RFX2: variants seen among roughly 807,000 people sequenced by gnomAD.
The protein encoded by RFX2 is regulatory factor X2.
In RFX2, 20 loss-of-function variants were observed where a neutral mutation model predicts 87.8. The observed-to-expected ratio is 0.23, with a 90% CI of 0.16 to 0.33. The LOEUF is 0.33. Among genes scored for constraint, RFX2 ranks in the 10% least tolerant of loss-of-function variants. The pLI is 1.00. For missense variants in RFX2, 767 were observed against 1,012.3 expected (o/e 0.76, Z 3.29); for synonymous variants, 397 against 431.3 (o/e 0.92, Z 0.98).
chr19:6,049,861 G>C (rs972280504), intron 1 of RFX2, among the ~76,000 whole-genome samples: 1 of 152,220 alleles, frequency 6.6e-6, no homozygotes, highest in African/African-American at 2.4e-5. Flanking sequence ...TTTACCATGT[G>C]TTGTCTTATA....
rs1407784723 is a variant in RFX2 at position 5,995,693 on chromosome 19, C to T, written c.2014-50G>A. The T allele has an allele frequency of 2.0e-6, 3 of 1,520,976 alleles. No homozygotes were observed. The East Asian group carries it at 7.4e-5, about 37-fold the overall frequency. The allele number at this position is 1,520,976 out of a possible 1,614,324, so 94.2% of individuals were successfully genotyped here. On this transcript the variant is annotated intron_variant, in intron 16 of 17. Transcript: ENST00000303657. ...GGCGCCTGCAGAGGGGCGGCAGTTG[C>T]TGTTTGGGGGCTCGGGGGATGCCGG...
In RFX2 at chr19:6,012,528, A is replaced by G. The variant is rs2086673229; in HGVS notation, c.899+458T>C. On this transcript the variant is annotated intron_variant, in intron 8 of 17. Transcript: ENST00000303657. This position sits in a 1 kb window ranked among gnomAD's most constrained non-coding sequence, Gnocchi z 4.6. ...ATTATAGGTTTGTCCAAACTGTCGAATGTACAACACCAAGAGTGAGCCCTG... is the reference window on the plus strand; with the variant it reads ...ATTATAGGTTTGTCCAAACTGTCGAGTGTACAACACCAAGAGTGAGCCCTG... Among the ~76,000 whole-genome samples, 1 of 152,078 alleles carries G rather than the reference A, an allele frequency of 6.6e-6. No individual in the cohort carries two copies. The highest frequency in any genetic ancestry group is 2.4e-5 in the African/African-American group (1 of 41,388).
Position 6,044,751 on chromosome 19 carries a change from C to T in RFX2, c.91-469G>A, listed in dbSNP as rs1224194352. 1.3e-5 allele frequency among the ~76,000 whole-genome samples: 2 copies of T among 152,194 alleles called. No individual in the cohort carries two copies. Among genetic ancestry groups the T allele is most frequent in the Non-Finnish European group, 2.9e-5 (2 of 68,032 alleles). On this transcript the variant is annotated intron_variant, in intron 2 of 17. Transcript: ENST00000303657. The surrounding 1 kb of genome is among the most constrained non-coding windows in gnomAD (Gnocchi z 5.3). ...TGGGAGAGCACTCTGTGGCGCCCCTCGCTTCTGCAGTATAACCCGGACTTG... is the reference window on the plus strand; with the variant it reads ...TGGGAGAGCACTCTGTGGCGCCCCTTGCTTCTGCAGTATAACCCGGACTTG...
At chr19:6,089,047 T>C (rs996853056) in intron 1 of RFX2, among the ~76,000 whole-genome samples, 17 of 152,192 alleles carry the variant, frequency 1.1e-4, no homozygotes, top group African/African-American at 3.9e-4. Flanking sequence ...TACTTAAAAA[T>C]GTAGGAAAAA....
In RFX2 at chr19:5,997,092, T is replaced by C; in HGVS notation, c.1981A>G (p.Thr661Ala). 1.2e-6 allele frequency: 2 copies of C among 1,613,040 alleles called. No individual in the cohort carries two copies. The highest frequency in any genetic ancestry group is 1.7e-6 in the Non-Finnish European group (2 of 1,179,944). The change falls in exon 16 of 18, where the codon ACC becomes GCC. Residue 661 changes from threonine to alanine, a missense_variant. Thr to Ala is a moderately conservative substitution (Grantham distance 58, BLOSUM62 0). This residue lies in a region of RFX2 where 621 missense variants were observed against 873.0 expected (regional missense o/e 0.71). Coordinates refer to ENST00000303657, the MANE Select transcript of RFX2 (RefSeq NM_000635.4). The surrounding 1 kb of genome is among the most constrained non-coding windows in gnomAD (Gnocchi z 4.2). The stretch of plus-strand genomic sequence containing the variant: ...ATCACAGCGATCGGCGTCTCTCCGG[T>C]GGCCTCCGCGACGCGGTGCTCCACC... ...YLVEHRVAEA[T>A]GETPIAVMGE...
chr19:5,997,013 C>A lies in RFX2; in HGVS notation c.2013+47G>T. The A allele has an allele frequency of 6.4e-7, 1 of 1,572,116 alleles. No individual in the cohort carries two copies. Among genetic ancestry groups the A allele is most frequent in the Non-Finnish European group, 8.6e-7 (1 of 1,162,426 alleles). ...TGCTCAGAGCACACCGCCCTCTCCC[C>A]ACAGGCCCGGCCAAGCCCCGGCCGT... On this transcript the variant is annotated intron_variant, in intron 16 of 17. Transcript: ENST00000303657. The surrounding 1 kb of genome is among the most constrained non-coding windows in gnomAD (Gnocchi z 4.2).
At position 6,045,214 on chromosome 19, in the gene RFX2, C is replaced by T. The variant is rs1407150553; in HGVS notation, c.91-932G>A. On this transcript the variant is annotated intron_variant, in intron 2 of 17. Transcript: ENST00000303657. The surrounding 1 kb of genome is among the most constrained non-coding windows in gnomAD (Gnocchi z 5.2). The stretch of plus-strand genomic sequence containing the variant: ...ATGAAGATGGTGCTAATAAGGATGC[C>T]AGCGCAAGGGCATTCTGATTCCAGG... Among the ~76,000 whole-genome samples, 2 of 152,158 alleles carry T rather than the reference C, an allele frequency of 1.3e-5. No individual in the cohort carries two copies. Among genetic ancestry groups the T allele is most frequent in the African/African-American group, 4.8e-5 (2 of 41,438 alleles).
Position 5,999,874 on chromosome 19 carries a change from G to C in RFX2, c.1859+1941C>G, listed in dbSNP as rs1262005139. ...TCTGGGGGAAAGATGTTCCAGGCAA[G>C]GGGGGCAGGTGCAAAGGCCCTGAGG... On this transcript the variant is annotated intron_variant, in intron 15 of 17. Coordinates refer to ENST00000303657, the MANE Select transcript of RFX2 (RefSeq NM_000635.4). The surrounding 1 kb of genome is among the most constrained non-coding windows in gnomAD (Gnocchi z 4.1). Among the ~76,000 whole-genome samples, 2 of 152,186 alleles carry C rather than the reference G, an allele frequency of 1.3e-5. No individual in the cohort carries two copies. Among genetic ancestry groups the C allele is most frequent in the South Asian group, 2.1e-4 (1 of 4,832 alleles).
intron 3 of RFX2, among the ~76,000 whole-genome samples, chr19:6,043,386 G>C (rs1487933969): frequency 6.6e-6 from 1 of 152,212 alleles, no homozygotes; most frequent in African/African-American, 2.4e-5. Context: ...CCTGTGAACA[G>C]ACTGCCAATC....
Position 6,004,324 on chromosome 19 carries a change from C to T in RFX2, c.1403-26G>A, listed in dbSNP as rs756884624. 1 of 1,583,956 alleles carries T rather than the reference C, an allele frequency of 6.3e-7. No homozygotes were observed. Among genetic ancestry groups the T allele is most frequent in the African/African-American group, 1.3e-5 (1 of 74,260 alleles). On this transcript the variant is annotated intron_variant, in intron 12 of 17. Coordinates refer to ENST00000303657, the MANE Select transcript of RFX2 (RefSeq NM_000635.4). The surrounding 1 kb of genome is among the most constrained non-coding windows in gnomAD (Gnocchi z 4.8). ...CTGGGGGATACAGACCATGATATTA[C>T]CAGGGAGAAAGGCAGTGACTGGACC...
At chr19:6,006,816 C>T (rs2086588790) in intron 12 of RFX2, among the ~76,000 whole-genome samples, 196 bp downstream of exon 12, 1 of 150,930 alleles carries the variant, frequency 6.6e-6, no homozygotes, top group Non-Finnish European at 1.5e-5. Context: ...TGGTCTCAAA[C>T]TCCTGGGCTC....
In RFX2 at chr19:6,035,854, T is replaced by TGTGTG. The variant is rs1203503733; in HGVS notation, c.522+4121_522+4125dup. On this transcript the variant is annotated intron_variant, in intron 5 of 17. Transcript: ENST00000303657. ...CTCCCCCAGAGCTTGGTGGGGGGTG[T>TGTGTG]GTGTGTGTGTGTGTGTGTGTGTGTG... 2.5e-3 allele frequency among the ~76,000 whole-genome samples: 333 copies of TGTGTG among 134,258 alleles called. 3 individuals carry two copies. The highest frequency in any genetic ancestry group is 4.5e-3 in the Non-Finnish European group (276 of 61,146). The allele number at this position is 134,258 out of a possible 152,430, so 88.1% of individuals were successfully genotyped here. A position where few individuals can be genotyped will look rare whatever the true frequency, so the allele number is the denominator to read the frequency against.
In RFX2 at chr19:6,023,391, A is replaced by G. The variant is rs368599582; in HGVS notation, c.597+2772T>C. Among the ~76,000 whole-genome samples, 126 of 152,350 alleles carry G rather than the reference A, an allele frequency of 8.3e-4. 3 individuals carry two copies. In the South Asian group the frequency reaches 9.7e-3, roughly 12 times the overall value. ...TCAGCCACAGGCAGCCCTGGGGACA[A>G]TCGTTGCAAGGGCACGTCACCCCGT... On this transcript the variant is annotated intron_variant, in intron 6 of 17. Coordinates refer to ENST00000303657, the MANE Select transcript of RFX2 (RefSeq NM_000635.4). This position sits in a 1 kb window ranked among gnomAD's most constrained non-coding sequence, Gnocchi z 4.9.
intron 1 of RFX2, among the ~76,000 whole-genome samples, chr19:6,097,245 C>T (rs1241467245): frequency 6.6e-6 from 1 of 152,122 alleles, no homozygotes; most frequent in Non-Finnish European, 1.5e-5. Flanking sequence ...CCAGGCTACT[C>T]GGGTTTCTGG....
At chr19:6,091,877 T>C (rs2087941198) in intron 1 of RFX2, among the ~76,000 whole-genome samples, 1 of 152,188 alleles carries the variant, frequency 6.6e-6, no homozygotes, top group Admixed American at 6.5e-5. Context: ...GGTAGGCATT[T>C]TACAATCAGG....
chr19:6,024,543 G>A lies in RFX2; in HGVS notation c.597+1620C>T, dbSNP rs561910760. 6.6e-6 allele frequency among the ~76,000 whole-genome samples: 1 copy of A among 152,356 alleles called. No individual in the cohort carries two copies. Among genetic ancestry groups the A allele is most frequent in the African/African-American group, 2.4e-5 (1 of 41,574 alleles). Reference sequence around the variant, plus strand: ...CTAGTGACCAGCCCCCTGAGGCAAAGGGCAGAGGCCTCGTCAGGGGCTGCG... The same window carrying A: ...CTAGTGACCAGCCCCCTGAGGCAAAAGGCAGAGGCCTCGTCAGGGGCTGCG... On this transcript the variant is annotated intron_variant, in intron 6 of 17. Coordinates refer to ENST00000303657, the MANE Select transcript of RFX2 (RefSeq NM_000635.4). This position sits in a 1 kb window ranked among gnomAD's most constrained non-coding sequence, Gnocchi z 5.0.
chr19:6,039,010 C>G lies in RFX2; in HGVS notation c.522+970G>C, dbSNP rs143696418. Among the ~76,000 whole-genome samples, 726 of 152,286 alleles carry G rather than the reference C, an allele frequency of 4.8e-3. 9 individuals are homozygous for G. Among genetic ancestry groups the G allele is most frequent in the African/African-American group, 0.016 (660 of 41,554 alleles). On this transcript the variant is annotated intron_variant, in intron 5 of 17. Transcript: ENST00000303657. The surrounding 1 kb of genome is among the most constrained non-coding windows in gnomAD (Gnocchi z 5.2). Reference sequence around the variant, plus strand: ...AAGAAAACATATGTCCTTACAAAAGCCTGCATGTGAAACTTAGAGCTTCTT... The same window carrying G: ...AAGAAAACATATGTCCTTACAAAAGGCTGCATGTGAAACTTAGAGCTTCTT...
Position 6,011,713 on chromosome 19 carries a change from C to T in RFX2, c.899+1273G>A, listed in dbSNP as rs936608298. Among the ~76,000 whole-genome samples, 1 of 152,228 alleles carries T rather than the reference C, an allele frequency of 6.6e-6. No homozygotes were observed. Among genetic ancestry groups the T allele is most frequent in the African/African-American group, 2.4e-5 (1 of 41,458 alleles). Reference sequence around the variant, plus strand: ...AACTCTCTCCTGGAACCTCCAACTCCTGGGAGTGGCTGTGTGGTCAGGAGT... The same window carrying T: ...AACTCTCTCCTGGAACCTCCAACTCTTGGGAGTGGCTGTGTGGTCAGGAGT... On this transcript the variant is annotated intron_variant, in intron 8 of 17. Coordinates refer to ENST00000303657, the MANE Select transcript of RFX2 (RefSeq NM_000635.4). The surrounding 1 kb of genome is among the most constrained non-coding windows in gnomAD (Gnocchi z 4.8).
chr19:6,070,333 G>C (rs1169107228), intron 1 of RFX2, among the ~76,000 whole-genome samples: 1 of 148,580 alleles, frequency 6.7e-6, no homozygotes, highest in Non-Finnish European at 1.5e-5. Context: ...GTACAGGAGA[G>C]AAGACAGAGT....
Sources: gnomAD v4.1 joint callset for allele counts (sites outside exome capture counted in the v4.1 genomes callset) on GRCh38, gnomAD v4.1.1 for gene constraint, gnomAD v4.1.1 regional missense constraint, Gnocchi (gnomAD v3.1) non-coding constraint, MANE v1.5 for transcripts, NCBI Gene and HGNC (gene_info 2026-07-23, HGNC 2026-07-21) for gene names.